PHLPP2: variants seen among roughly 807,000 people sequenced by gnomAD.
PHLPP2 encodes PH domain and leucine rich repeat protein phosphatase 2, also known as PH domain leucine-rich repeat-containing protein phosphatase 2.
Under a neutral mutation model 124.9 loss-of-function variants are expected in PHLPP2, and 66 were observed. The observed-to-expected ratio is 0.53, with a 90% CI of 0.43 to 0.65. The LOEUF is 0.65. PHLPP2 is among the 30% of genes least tolerant of loss of function. PHLPP2 has a pLI of 0.00. For synonymous variants in PHLPP2, 681 were observed against 624.7 expected (o/e 1.09, Z -1.34); for missense variants, 1,685 against 1,600.4 (o/e 1.05, Z -0.90).
chr16:71,696,644 T>G (rs1357844917), intron 3 of PHLPP2, among the ~76,000 whole-genome samples: 1 of 144,412 alleles, frequency 6.9e-6, no homozygotes, highest in Non-Finnish European at 1.5e-5. Flanking sequence ...TGAGACTCCA[T>G]CTCAAAAAAA....
chr16:71,656,911 G>A (rs1408688635), intron 15 of PHLPP2, among the ~76,000 whole-genome samples: 6 of 151,200 alleles, frequency 4.0e-5, no homozygotes, highest in Non-Finnish European at 5.9e-5. Context: ...CACCATGCCC[G>A]GCTAATTTTT....
At position 71,649,844 on chromosome 16, in the gene PHLPP2, TG is replaced by T; in HGVS notation, c.3017del (p.Pro1006HisfsTer2). 6.2e-7 allele frequency: 1 copy of T among 1,614,184 alleles called. No individual in the cohort carries two copies. Among genetic ancestry groups the T allele is most frequent in the South Asian group, 1.1e-5 (1 of 91,080 alleles). On this transcript the variant is annotated frameshift_variant, in exon 19 of 19. Transcript: ENST00000568954. LOFTEE classifies it high-confidence loss of function. ...TGCACAGCTTCTTAGCAGCTGCTAA[TG>T]GGTCTTGTACGTGACGTACAGCATT... ...AVNAVRHVQDPLAAAKKLCTL... is the reference protein window; with the variant it reads ...AVNAVRHVQDXLAAAKKLCTL...
chr16:71,698,572 T>A (rs2045197347), intron 3 of PHLPP2: 1 of 637,724 alleles, frequency 1.6e-6, no homozygotes. Flanking sequence ...GAAAGGCCTG[T>A]CTCTAAGGTC....
chr16:71,654,222 A>AAC (rs1555544386), intron 17 of PHLPP2, among the ~76,000 whole-genome samples: 11 of 149,914 alleles, frequency 7.3e-5, no homozygotes, highest in Admixed American at 1.3e-4. Context: ...AAAAAAAAAA[A>AAC]AAAAAACTAG....
intron 17 of PHLPP2, 32 bp downstream of exon 17, chr16:71,655,208 T>C (rs1290295216): frequency 1.4e-6 from 2 of 1,460,208 alleles, no homozygotes; most frequent in Non-Finnish European, 9.6e-7. Context: ...AAAGTAGAAC[T>C]GAGTTAGGGA....
At chr16:71,669,456 C>A (rs1177152530) in intron 10 of PHLPP2, 86 bp from the exon 11 acceptor site, 2 of 942,832 alleles carry the variant, frequency 2.1e-6, no homozygotes, top group Non-Finnish European at 3.3e-6. Context: ...CATTAACCAG[C>A]CTGTGAGCCC....
intron 1 of PHLPP2, among the ~76,000 whole-genome samples, chr16:71,718,210 G>A (rs2045375849): frequency 6.6e-6 from 1 of 152,042 alleles, no homozygotes; most frequent in African/African-American, 2.4e-5. Flanking sequence ...TCTTCTGTGA[G>A]GATTTTTAAC....
At chr16:71,669,592 G>A (rs1216248740) in intron 10 of PHLPP2, among the ~76,000 whole-genome samples, 2 of 152,174 alleles carry the variant, frequency 1.3e-5, no homozygotes, top group Non-Finnish European at 2.9e-5. Context: ...GTATAATACT[G>A]GATCAATTAT....
chr16:71,663,513 C>T (rs2044812087), intron 13 of PHLPP2, among the ~76,000 whole-genome samples: 1 of 152,166 alleles, frequency 6.6e-6, no homozygotes, highest in Non-Finnish European at 1.5e-5. Flanking sequence ...TAACTGTTCA[C>T]AATACTTGAC....
At chr16:71,723,717 C>A in intron 1 of PHLPP2, 1 of 902,356 alleles carries the variant, frequency 1.1e-6, no homozygotes, top group South Asian at 1.9e-5. Context: ...CCTCCCTAGT[C>A]CGCTTGCCCG....
At chr16:71,665,142 T>C (rs1379778552) in intron 12 of PHLPP2, among the ~76,000 whole-genome samples, 1 of 151,908 alleles carries the variant, frequency 6.6e-6, no homozygotes, top group Non-Finnish European at 1.5e-5. Context: ...ACCTCATCTC[T>C]ACTAAAAATA....
intron 3 of PHLPP2, among the ~76,000 whole-genome samples, chr16:71,702,321 T>C (rs1033774136): frequency 6.6e-6 from 1 of 152,274 alleles, no homozygotes; most frequent in South Asian, 2.1e-4. Context: ...TAAAGCATGA[T>C]CCAGTCAAGA....
At chr16:71,682,548 A>G (rs1010402024) in intron 5 of PHLPP2, among the ~76,000 whole-genome samples, 1 of 152,154 alleles carries the variant, frequency 6.6e-6, no homozygotes, top group East Asian at 1.9e-4. Context: ...TGTGATATGA[A>G]AAGACATGGC....
At chr16:71,711,030 A>G (rs1031655737) in intron 2 of PHLPP2, among the ~76,000 whole-genome samples, 5 of 151,786 alleles carry the variant, frequency 3.3e-5, no homozygotes, top group African/African-American at 1.2e-4. Flanking sequence ...TAATGACACC[A>G]TGAAATTAAG....
Position 71,658,373 on chromosome 16 carries a change from A to C in PHLPP2, c.2149-10T>G. 1 of 1,610,784 alleles carries C rather than the reference A, an allele frequency of 6.2e-7. No individual in the cohort carries two copies. Among genetic ancestry groups the C allele is most frequent in the Non-Finnish European group, 8.5e-7 (1 of 1,178,582 alleles). On this transcript the variant is annotated splice_polypyrimidine_tract_variant and intron_variant, in intron 14 of 18. Transcript: ENST00000568954. ...AACTTAGGTCTACAAACTAAGAAAA[A>C]ATTGAGAAATCAAAAGAAAATACAT...
intron 12 of PHLPP2, among the ~76,000 whole-genome samples, chr16:71,665,711 T>G (rs2044833292): frequency 6.6e-6 from 1 of 152,228 alleles, no homozygotes. Flanking sequence ...GCTAAGTTAC[T>G]CACTAAAGAT....
At chr16:71,698,650 G>T in intron 3 of PHLPP2, 1 of 580,960 alleles carries the variant, frequency 1.7e-6, no homozygotes, top group South Asian at 1.5e-5. Flanking sequence ...GGCAGCCATT[G>T]TACACTGGGC....
In PHLPP2 at chr16:71,648,646, C is replaced by T. The variant is rs1394202401; in HGVS notation, c.*244G>A. ...ACTTAGCCGGGCATAATGGCAGGTG[C>T]CTGTAATCCCAGCTACTCGGGAGGC... On this transcript the variant is annotated 3_prime_UTR_variant, in exon 19 of 19. Transcript: ENST00000568954. 6.2e-6 allele frequency: 3 copies of T among 486,054 alleles called. No homozygotes were observed. The highest frequency in any genetic ancestry group is 5.8e-5 in the African/African-American group (3 of 51,910). The allele number at this position is 486,054 out of a possible 1,614,324, so 30.1% of individuals were successfully genotyped here.
chr16:71,667,037 T>C (rs1368408851), intron 12 of PHLPP2, 141 bp downstream of exon 12: 3 of 574,018 alleles, frequency 5.2e-6, no homozygotes, highest in Non-Finnish European at 9.0e-6. Context: ...TCATAAAAAT[T>C]GCAAATAAGT....
Sources: gnomAD v4.1 joint callset for allele counts (sites outside exome capture counted in the v4.1 genomes callset) on GRCh38, gnomAD v4.1.1 for gene constraint, MANE v1.5 for transcripts, NCBI Gene and HGNC (gene_info 2026-07-23, HGNC 2026-07-21) for gene names.